ALG11: variants seen among roughly 807,000 people sequenced by gnomAD.
ALG11 encodes GDP-Man:Man(3)GlcNAc(2)-PP-Dol alpha-1,2-mannosyltransferase.
In ALG11, 26 loss-of-function variants were observed where a neutral mutation model predicts 38.8. The observed-to-expected ratio is 0.67, with a 90% CI of 0.49 to 0.93. The LOEUF (loss-of-function observed/expected upper bound fraction) is 0.93, where lower values mean the gene tolerates loss of function less well. Ranked by LOEUF, ALG11 falls within the 40% of genes least tolerant of loss-of-function variation. The pLI is 0.00. For missense variants in ALG11, 535 were observed against 578.8 expected, an observed-to-expected ratio of 0.92 and a Z score of 0.78; for synonymous variants, 199 against 211.6, an observed-to-expected ratio of 0.94 and a Z score of 0.52.
rs998779163 is a variant in ALG11 at position 52,033,404 on chromosome 13, A to C, written c.*4814A>C. The C allele has an allele frequency of 1.2e-5, 2 of 167,060 alleles. No homozygotes were observed. The highest frequency in any genetic ancestry group is 6.5e-5 in the Admixed American group (1 of 15,282). The allele number at this position is 167,060 out of a possible 1,614,324, so 10.3% of individuals were successfully genotyped here. On this transcript the variant is annotated 3_prime_UTR_variant, in exon 4 of 4. Coordinates refer to ENST00000521508, the MANE Select transcript of ALG11 (RefSeq NM_001004127.3). Reference sequence around the variant, plus strand: ...TTAGATTTGTATTTAGACATGATTTATATCTAATATAGATACAAAGTCTGT... The same window carrying C: ...TTAGATTTGTATTTAGACATGATTTCTATCTAATATAGATACAAAGTCTGT...
rs1284724072 is a variant in ALG11, at chr13:52,032,993, A to G, written c.*4403A>G. ...CCACTCAATTGCCTTATTCCTGAGG[A>G]TGTAGTGAAGGAAGAAAAAGTTTTC... On this transcript the variant is annotated 3_prime_UTR_variant, in exon 4 of 4. Transcript: ENST00000521508. The G allele has an allele frequency of 1.8e-5, 3 of 167,092 alleles. No individual in the cohort carries two copies. Among genetic ancestry groups the G allele is most frequent in the Admixed American group, 1.3e-4 (2 of 15,288 alleles). The allele number at this position is 167,092 out of a possible 1,614,324, so 10.4% of individuals were successfully genotyped here.
At chr13:52,016,610 G>C (rs1325879536) in intron 1 of ALG11, 1 of 152,320 alleles carries the variant, frequency 6.6e-6, no homozygotes, top group Non-Finnish European at 1.5e-5. Flanking sequence ...TGGCTTCAGA[G>C]GGTGAAAGCC....
intron 1 of ALG11, among the ~76,000 whole-genome samples, chr13:52,015,468 C>G (rs963532878): frequency 6.6e-6 from 1 of 152,136 alleles, no homozygotes; most frequent in African/African-American, 2.4e-5. Flanking sequence ...GCAGTGAAAA[C>G]TATGTGATAT....
At chr13:52,028,088 A>G (rs918915899) in intron 3 of ALG11, among the ~76,000 whole-genome samples, 12 of 151,826 alleles carry the variant, frequency 7.9e-5, no homozygotes, top group African/African-American at 2.7e-4. Flanking sequence ...GTGAGACCCT[A>G]TCTCTTAAAA....
At chr13:52,025,600 A>C (rs1954233022) in intron 3 of ALG11, among the ~76,000 whole-genome samples, 1 of 152,230 alleles carries the variant, frequency 6.6e-6, no homozygotes, top group African/African-American at 2.4e-5. Flanking sequence ...GCCAGATTGC[A>C]TCATAAGTCT....
rs908255590 is a variant in ALG11, at chr13:52,031,567, C to T, written c.*2977C>T. 1.1e-5 allele frequency: 2 copies of T among 176,970 alleles called. No homozygotes were observed. Among genetic ancestry groups the T allele is most frequent in the African/African-American group, 4.8e-5 (2 of 41,508 alleles). The allele number at this position is 176,970 out of a possible 1,614,324, so 11.0% of individuals were successfully genotyped here. ...ACATTTGTGTGGGTCTCTCATTGTC[C>T]CTTAACAGTGCCGCATCTCAGCCTG... On this transcript the variant is annotated 3_prime_UTR_variant, in exon 4 of 4. Coordinates refer to ENST00000521508, the MANE Select transcript of ALG11 (RefSeq NM_001004127.3).
At position 52,030,822 on chromosome 13, in the gene ALG11, A is replaced by G. The variant is rs770403618; in HGVS notation, c.*2232A>G. Reference sequence around the variant, plus strand: ...AATGTGATTATCAGTGAGAAGCGCAACATCCACGCAGCAGCTCATCAGGTA... The same window carrying G: ...AATGTGATTATCAGTGAGAAGCGCAGCATCCACGCAGCAGCTCATCAGGTA... On this transcript the variant is annotated 3_prime_UTR_variant, in exon 4 of 4. Coordinates refer to ENST00000521508, the MANE Select transcript of ALG11 (RefSeq NM_001004127.3). 19 of 1,614,096 alleles carry G rather than the reference A, an allele frequency of 1.2e-5. No individual in the cohort carries two copies. In the Admixed American group the frequency reaches 2.8e-4, roughly 24 times the overall value.
Position 52,028,637 on chromosome 13 carries a change from A to G in ALG11, c.*47A>G. ...GATATTTTATATAAACTGGTTAAACACCTTCATATGTAAATATTTTTCTAA... is the reference window on the plus strand; with the variant it reads ...GATATTTTATATAAACTGGTTAAACGCCTTCATATGTAAATATTTTTCTAA... On this transcript the variant is annotated 3_prime_UTR_variant, in exon 4 of 4. Transcript: ENST00000521508. 1 of 1,575,238 alleles carries G rather than the reference A, an allele frequency of 6.3e-7. No homozygotes were observed. The highest frequency in any genetic ancestry group is 8.7e-7 in the Non-Finnish European group (1 of 1,149,730).
intron 1 of ALG11, among the ~76,000 whole-genome samples, chr13:52,013,918 T>C (rs1263701318): frequency 6.6e-6 from 1 of 152,182 alleles, no homozygotes; most frequent in Non-Finnish European, 1.5e-5. Context: ...AGTGCAAAAG[T>C]GATAGCGGAT....
In ALG11 at chr13:52,031,706, G is replaced by C. The variant is rs1256730932; in HGVS notation, c.*3116G>C. 1 of 167,270 alleles carries C rather than the reference G, an allele frequency of 6.0e-6. No homozygotes were observed. Among genetic ancestry groups the C allele is most frequent in the African/African-American group, 2.4e-5 (1 of 41,440 alleles). 10.4% of individuals were successfully genotyped at this position (167,270 alleles called of 1,614,324 possible). ...TTACCAGCATAATGCATTGTAAGAT[G>C]GCAAGGTGGCATTTTGAAAGAGCGC... On this transcript the variant is annotated 3_prime_UTR_variant, in exon 4 of 4. Transcript: ENST00000521508.
chr13:52,028,627 C>T lies in ALG11; in HGVS notation c.*37C>T. ...TAAAATTAAAGATATTTTATATAAA[C>T]TGGTTAAACACCTTCATATGTAAAT... is the stretch of plus-strand genomic sequence containing the variant. On this transcript the variant is annotated 3_prime_UTR_variant, in exon 4 of 4. Coordinates refer to ENST00000521508, the MANE Select transcript of ALG11 (RefSeq NM_001004127.3). 2 of 1,587,960 alleles carry T rather than the reference C, an allele frequency of 1.3e-6. No individual in the cohort carries two copies. Among genetic ancestry groups the T allele is most frequent in the South Asian group, 2.2e-5 (2 of 89,968 alleles).
chr13:52,014,601 CAT>C (rs1264797447), intron 1 of ALG11, among the ~76,000 whole-genome samples: 2 of 151,324 alleles, frequency 1.3e-5, no homozygotes, highest in Non-Finnish European at 2.9e-5. Context: ...GTGGCATGAT[CAT>C]AGCTTACTAC....
rs775045600 is a variant in ALG11, at chr13:52,028,886, A to G, written c.*296A>G. The G allele has an allele frequency of 4.3e-6, 7 of 1,614,126 alleles. No individual in the cohort carries two copies. In the Admixed American group the frequency reaches 5.0e-5, roughly 12 times the overall value. Reference sequence around the variant, plus strand: ...GGATTTGCCAAAAAACTACCCCTTGAGTGAAAATGAAGATGAGGGGGACAG... The same window carrying G: ...GGATTTGCCAAAAAACTACCCCTTGGGTGAAAATGAAGATGAGGGGGACAG... On this transcript the variant is annotated 3_prime_UTR_variant, in exon 4 of 4. Transcript: ENST00000521508.
chr13:52,023,683 T>TTC (rs1243213383), intron 2 of ALG11: 66 of 156,372 alleles, frequency 4.2e-4, no homozygotes, highest in Middle Eastern at 2.9e-3. Flanking sequence ...AATATATTCT[T>TTC]TTTTTTGTTT....
chr13:52,027,586 C>T (rs1217929428), intron 3 of ALG11, among the ~76,000 whole-genome samples: 1 of 152,158 alleles, frequency 6.6e-6, no homozygotes, highest in Non-Finnish European at 1.5e-5. Context: ...GCTTAATTCT[C>T]CTAGGAATAT....
chr13:52,024,263 A>G lies in ALG11; in HGVS notation c.533A>G (p.Tyr178Cys). 6.2e-7 allele frequency: 1 copy of G among 1,614,162 alleles called. No individual in the cohort carries two copies. The highest frequency in any genetic ancestry group is 8.5e-7 in the Non-Finnish European group (1 of 1,180,026). Residue 178 changes from tyrosine (Y) to cysteine (C), a missense_variant, in exon 3 of 4, where the codon TAC becomes TGC. Physicochemically the swap from Tyr to Cys is radical, Grantham distance 194. Coordinates refer to ENST00000521508, the MANE Select transcript of ALG11 (RefSeq NM_001004127.3). ...GATGTTTACATTGATTCAATGGGAT[A>G]CGCTTTTACGCTTCCTCTGTTTAAG... is the stretch of plus-strand genomic sequence containing the variant. ...VPDVYIDSMG[Y>C]AFTLPLFKYI...
rs534602050 is a variant in ALG11, at chr13:52,030,395, T to G, written c.*1805T>G. 1 of 1,614,202 alleles carries G rather than the reference T, an allele frequency of 6.2e-7. No homozygotes were observed. Among genetic ancestry groups the G allele is most frequent in the South Asian group, 1.1e-5 (1 of 91,080 alleles). ...AAATAAGGAGCTTCCCAGACCTGTG[T>G]TAGAAGGACAGCAGTCAGAGAGGAC... On this transcript the variant is annotated 3_prime_UTR_variant, in exon 4 of 4. Coordinates refer to ENST00000521508, the MANE Select transcript of ALG11 (RefSeq NM_001004127.3).
In ALG11 at chr13:52,029,766, C is replaced by T. The variant is rs1295826659; in HGVS notation, c.*1176C>T. 2 of 1,614,166 alleles carry T rather than the reference C, an allele frequency of 1.2e-6. No individual in the cohort carries two copies. Among genetic ancestry groups the T allele is most frequent in the Non-Finnish European group, 1.7e-6 (2 of 1,180,028 alleles). On this transcript the variant is annotated 3_prime_UTR_variant, in exon 4 of 4. Transcript: ENST00000521508. ...AAATATGACCTGGAGGCTCGCCAAGCTATGCAGGAACAGTTGGCCAAGAAC... is the reference window on the plus strand; with the variant it reads ...AAATATGACCTGGAGGCTCGCCAAGTTATGCAGGAACAGTTGGCCAAGAAC...
chr13:52,014,424 A>G (rs1954117236), intron 1 of ALG11, among the ~76,000 whole-genome samples: 1 of 152,188 alleles, frequency 6.6e-6, no homozygotes, highest in Non-Finnish European at 1.5e-5. Context: ...CATTTCTAAT[A>G]TGCTAAATAT....
Sources: allele counts gnomAD v4.1 joint callset (sites outside exome capture counted in the v4.1 genomes callset), GRCh38; gene constraint gnomAD v4.1.1; transcripts MANE v1.5; gene names NCBI Gene and HGNC (gene_info 2026-07-23, HGNC 2026-07-21).